Variants in CASQ1 observed in about 807,000 individuals in gnomAD.
The protein encoded by CASQ1 is calsequestrin-1.
In CASQ1, 40 loss-of-function variants were observed where a neutral mutation model predicts 49.5. The observed-to-expected ratio is 0.81, with a 90% CI of 0.63 to 1.05. The LOEUF is 1.05. Ranked by LOEUF, CASQ1 falls within the 50% of genes least tolerant of loss-of-function variation. The probability of loss-of-function intolerance (pLI) is 0.00; values close to 1 mark genes in which losing one functional copy is unlikely to be tolerated. For synonymous variants in CASQ1, 174 were observed against 187.2 expected (o/e 0.93, Z 0.58); for missense variants, 469 against 486.9 (o/e 0.96, Z 0.35).
intron 4 of CASQ1, 125 bp downstream of exon 4, chr1:160,195,248 T>C (rs2101674396): frequency 1.4e-6 from 1 of 739,994 alleles, no homozygotes; most frequent in Non-Finnish European, 2.3e-6. Context: ...CCTCCAGCCG[T>C]GGTCAGCACC....
rs1654060193 is a variant in CASQ1 at position 160,190,964 on chromosome 1, C to T, written c.213C>T (p.Tyr71=). 1 of 1,614,172 alleles carries T rather than the reference C, an allele frequency of 6.2e-7. No homozygotes were observed. Among genetic ancestry groups the T allele is most frequent in the Non-Finnish European group, 8.5e-7 (1 of 1,180,020 alleles). Residue 71 remains tyrosine (Y), a synonymous_variant, in exon 1 of 11, where the codon TAC becomes TAT. Transcript: ENST00000368078. ...AGTATGAGGTGCTGGCACTCCTCTACCATGAACCCCCCGAGGATGACAAGG... is the reference window on the plus strand; with the variant it reads ...AGTATGAGGTGCTGGCACTCCTCTATCATGAACCCCCCGAGGATGACAAGG... ...FKKYEVLALL[Y]HEPPEDDKAS...
rs766394309 is a variant in CASQ1, at chr1:160,192,901, G to T, written c.364+15G>T. On this transcript the variant is annotated intron_variant, in intron 2 of 10. Transcript: ENST00000368078. ...CAAGAAACTAGGTAAGAGAGGGGAG[G>T]GCAGGGGAGGGGAAGGTGGCATTGA... 1.9e-6 allele frequency: 3 copies of T among 1,605,520 alleles called. No homozygotes were observed. The highest frequency in any genetic ancestry group is 1.3e-5 in the African/African-American group (1 of 74,832).
At chr1:160,193,706 A>G (rs750002891) in intron 2 of CASQ1, 41 bp from the exon 3 acceptor site, 4 of 1,146,970 alleles carry the variant, frequency 3.5e-6, no homozygotes, top group Admixed American at 4.0e-5. Context: ...GCCTGGGATC[A>G]TGGCTCACTA....
At position 160,190,685 on chromosome 1, in the gene CASQ1, G is replaced by A; in HGVS notation, c.-67G>A. 1 of 1,513,938 alleles carries A rather than the reference G, an allele frequency of 6.6e-7. No individual in the cohort carries two copies. The highest frequency in any genetic ancestry group is 9.0e-7 in the Non-Finnish European group (1 of 1,116,624). 93.8% of individuals were successfully genotyped at this position (1,513,938 alleles called of 1,614,324 possible). A position where few individuals can be genotyped will look rare whatever the true frequency, so the allele number is the denominator to read the frequency against. On this transcript the variant is annotated 5_prime_UTR_variant, in exon 1 of 11. Coordinates refer to ENST00000368078, the MANE Select transcript of CASQ1 (RefSeq NM_001231.5). ...CCCCTAACTCAGAATCTGGGACCCA[G>A]GGGCCCCTCCCTACCCCAGCTAACC...
At chr1:160,196,108 G>C in intron 6 of CASQ1, 81 bp downstream of exon 6, 1 of 1,440,576 alleles carries the variant, frequency 6.9e-7, no homozygotes, top group South Asian at 1.3e-5. Flanking sequence ...GCTGGGGAAA[G>C]CTTAGCCAAC....
rs754772213 is a variant in CASQ1, at chr1:160,198,832, A to C, written c.883+101A>C. 3.2e-6 allele frequency: 4 copies of C among 1,266,804 alleles called. No homozygotes were observed. The East Asian group carries it at 6.9e-5, about 22-fold the overall frequency. 78.5% of individuals were successfully genotyped at this position (1,266,804 alleles called of 1,614,324 possible). A position where few individuals can be genotyped will look rare whatever the true frequency, so the allele number is the denominator to read the frequency against. ...CTAGGAGGCTTTCCTGGGAGTTTGC[A>C]AACAGCCTAGGGCTAGACATGTGAA... On this transcript the variant is annotated intron_variant, in intron 8 of 10. Coordinates refer to ENST00000368078, the MANE Select transcript of CASQ1 (RefSeq NM_001231.5).
chr1:160,193,643 G>T (rs1333720725), intron 2 of CASQ1, 104 bp from the exon 3 acceptor site: 2 of 694,092 alleles, frequency 2.9e-6, no homozygotes, highest in Non-Finnish European at 4.9e-6. Context: ...GTGGGGCCCC[G>T]GTGATTATCA....
chr1:160,200,391 T>C (rs74123287), intron 10 of CASQ1, among the ~76,000 whole-genome samples: 4,637 of 152,240 alleles, frequency 0.03, 231 homozygotes, highest in African/African-American at 0.11. Context: ...CTCAGACTAA[T>C]TAGAGAGGCA....
rs915957217 is a variant in CASQ1, at chr1:160,201,410, C to G, written c.*34C>G. The G allele has an allele frequency of 6.2e-7, 1 of 1,610,300 alleles. No individual in the cohort carries two copies. The highest frequency in any genetic ancestry group is 2.2e-5 in the East Asian group (1 of 44,804). ...GCAACCATCTTTCAGCCCCACTGGT[C>G]TTTTCATGCTCTCTCCTGCCTTCCC... is the stretch of plus-strand genomic sequence containing the variant. On this transcript the variant is annotated 3_prime_UTR_variant, in exon 11 of 11. Coordinates refer to ENST00000368078, the MANE Select transcript of CASQ1 (RefSeq NM_001231.5).
chr1:160,190,910 T>G lies in CASQ1; in HGVS notation c.159T>G (p.Asn53Lys). ...YDGVDRVINVNAKNYKNVFKK... is the reference protein window; with the variant it reads ...YDGVDRVINVKAKNYKNVFKK... ...GTGTGGACCGTGTGATCAATGTCAA[T>G]GCAAAGAACTACAAGAATGTGTTCA... The change falls in exon 1 of 11, where the codon AAT becomes AAG. Residue 53 changes from asparagine (N) to lysine (K), a missense_variant. Physicochemically the swap from Asn to Lys is moderately conservative, Grantham distance 94 (BLOSUM62 0). Coordinates refer to ENST00000368078, the MANE Select transcript of CASQ1 (RefSeq NM_001231.5). 3 of 1,614,144 alleles carry G rather than the reference T, an allele frequency of 1.9e-6. No homozygotes were observed. Among genetic ancestry groups the G allele is most frequent in the Non-Finnish European group, 2.5e-6 (3 of 1,180,018 alleles).
At position 160,195,546 on chromosome 1, in the gene CASQ1, C is replaced by T. The variant is rs745724346; in HGVS notation, c.651+12C>T. On this transcript the variant is annotated intron_variant, in intron 5 of 10. Coordinates refer to ENST00000368078, the MANE Select transcript of CASQ1 (RefSeq NM_001231.5). ...CCTTCGACAGCAAGGTTCTCCTCCC[C>T]GCAGCTGTATTGGTTCTGCCTCATG... 1.9e-5 allele frequency: 31 copies of T among 1,612,004 alleles called. No homozygotes were observed. The highest frequency in any genetic ancestry group is 5.3e-5 in the African/African-American group (4 of 74,816).
chr1:160,196,465 T>TTTC (rs199987955), intron 6 of CASQ1, among the ~76,000 whole-genome samples: 1 of 151,780 alleles, frequency 6.6e-6, no homozygotes, highest in East Asian at 1.9e-4. Flanking sequence ...TTGTTCTTTT[T>TTTC]TTCTTCTTCT....
chr1:160,190,768 G>A lies in CASQ1; in HGVS notation c.17G>A (p.Arg6Lys), dbSNP rs1297517704. The change falls in exon 1 of 11, where the codon AGG (arginine) becomes AAG (lysine). Residue 6 changes from arginine (R) to lysine (K), a missense_variant. Arg to Lys is a conservative substitution (Grantham distance 26, BLOSUM62 2). Coordinates refer to ENST00000368078, the MANE Select transcript of CASQ1 (RefSeq NM_001231.5). MSATDRMGPRAVPGLR... is the reference protein window; with the variant it reads MSATDKMGPRAVPGLR... Reference sequence around the variant, plus strand: ...ACTACCTCCATGAGTGCTACAGACAGGATGGGGCCCAGAGCTGTGCCGGGT... The same window carrying A: ...ACTACCTCCATGAGTGCTACAGACAAGATGGGGCCCAGAGCTGTGCCGGGT... 6.2e-7 allele frequency: 1 copy of A among 1,614,002 alleles called. No individual in the cohort carries two copies. Among genetic ancestry groups the A allele is most frequent in the Non-Finnish European group, 8.5e-7 (1 of 1,179,928 alleles).
rs915727548 is a variant in CASQ1, at chr1:160,195,777, G to A, written c.652-120G>A. The A allele has an allele frequency of 6.7e-5, 76 of 1,126,802 alleles. No individual in the cohort carries two copies. The Admixed American group carries it at 1.5e-3, about 22-fold the overall frequency. The allele number at this position is 1,126,802 out of a possible 1,614,324, so 69.8% of individuals were successfully genotyped here. On this transcript the variant is annotated intron_variant, in intron 5 of 10. Transcript: ENST00000368078. ...TAAGACACTTGTCAGGTGTCACAGTGGCAGTGACAAGGATCCCGGCTTTCT... is the reference window on the plus strand; with the variant it reads ...TAAGACACTTGTCAGGTGTCACAGTAGCAGTGACAAGGATCCCGGCTTTCT...
chr1:160,194,127 T>TACACACACC (rs371839519), intron 3 of CASQ1, among the ~76,000 whole-genome samples: 5,353 of 105,856 alleles, frequency 0.051, 263 homozygotes, highest in African/African-American at 0.16. Flanking sequence ...CCACACACAC[T>TACACACACC]ACACACACCA....
rs1557814919 is a variant in CASQ1, at chr1:160,195,454, C to T, written c.578-7C>T. 1.2e-6 allele frequency: 2 copies of T among 1,613,652 alleles called. No individual in the cohort carries two copies. The highest frequency in any genetic ancestry group is 1.7e-6 in the Non-Finnish European group (2 of 1,179,592). ...CCCAGAGACTGACTCTGCATTCCAC[C>T]CCCCAGATTACAAAGCCTTCGAGGA... On this transcript the variant is annotated splice_region_variant and splice_polypyrimidine_tract_variant and intron_variant, in intron 4 of 10. Transcript: ENST00000368078.
chr1:160,191,719 G>C (rs1170693663), intron 1 of CASQ1, among the ~76,000 whole-genome samples: 3 of 152,164 alleles, frequency 2.0e-5, no homozygotes, highest in African/African-American at 7.2e-5. Flanking sequence ...AGGCCCAAAG[G>C]AGAAAGAAGT....
intron 2 of CASQ1, among the ~76,000 whole-genome samples, chr1:160,193,400 G>A (rs1042241549): frequency 6.6e-6 from 1 of 152,066 alleles, no homozygotes; most frequent in African/African-American, 2.4e-5. Flanking sequence ...TGCTCAGAGG[G>A]GGTGGCATGA....
At chr1:160,194,167 A>G (rs1654147805) in intron 3 of CASQ1, among the ~76,000 whole-genome samples, 1 of 144,914 alleles carries the variant, frequency 6.9e-6, no homozygotes, top group Non-Finnish European at 1.5e-5. Flanking sequence ...CCACACACCC[A>G]TCACACACAT....
Sources: allele counts gnomAD v4.1 joint callset (sites outside exome capture counted in the v4.1 genomes callset), GRCh38; gene constraint gnomAD v4.1.1; transcripts MANE v1.5; gene names NCBI Gene and HGNC (gene_info 2026-07-23, HGNC 2026-07-21).